Variants in WDR64 observed in about 807,000 individuals in gnomAD.
WDR64 encodes WD repeat-containing protein 64.
A neutral mutation model predicts 139.3 loss-of-function variants in WDR64; 112 were observed. That is an observed-to-expected ratio of 0.80 (90% CI 0.69 to 0.94). The LOEUF is 0.94. WDR64 is among the 40% of genes least tolerant of loss of function. WDR64 has a pLI of 0.00. For synonymous variants in WDR64, 444 were observed against 437.7 expected, an observed-to-expected ratio of 1.01 and a Z score of -0.18; for missense variants, 1,206 against 1,293.1, an observed-to-expected ratio of 0.93 and a Z score of 1.03.
At position 241,775,157 on chromosome 1, in the gene WDR64, T is replaced by C. The variant is rs984335735; in HGVS notation, c.2483T>C (p.Leu828Pro). The stretch of plus-strand genomic sequence containing the variant: ...TTCACAAAACATTCTGCCATTTCTC[T>C]GACATCGCTGTATACTGATTCATGT... Reference protein sequence around the residue: ...LPFTKHSAISLTSLYTDSCTR... With the variant: ...LPFTKHSAISPTSLYTDSCTR... The change falls in exon 21 of 28, where the codon CTG (leucine) becomes CCG (proline). Residue 828 changes from leucine to proline, a missense_variant. Transcript: ENST00000437684. 3 of 1,551,240 alleles carry C rather than the reference T, an allele frequency of 1.9e-6. No homozygotes were observed. The highest frequency in any genetic ancestry group is 2.6e-6 in the Non-Finnish European group (3 of 1,146,908).
intron 8 of WDR64, among the ~76,000 whole-genome samples, chr1:241,700,129 AGT>A (rs1667654335): frequency 6.7e-6 from 1 of 149,332 alleles, no homozygotes; most frequent in South Asian, 2.2e-4. Context: ...TTGGTGGCCT[AGT>A]GGATGAGAAG....
intron 15 of WDR64, among the ~76,000 whole-genome samples, chr1:241,759,697 CTTTT>C (rs549593689): frequency 6.6e-6 from 1 of 151,274 alleles, no homozygotes; most frequent in African/African-American, 2.4e-5. Flanking sequence ...CTTCACCTTT[CTTTT>C]TTTTTAAATT....
chr1:241,751,453 T>TAAAAAC (rs1034184583), intron 14 of WDR64, among the ~76,000 whole-genome samples: 1 of 151,978 alleles, frequency 6.6e-6, no homozygotes, highest in Non-Finnish European at 1.5e-5. Flanking sequence ...CCAGCTGCCT[T>TAAAAAC]AAAAACAAAA....
intron 16 of WDR64, among the ~76,000 whole-genome samples, chr1:241,768,390 C>A (rs1238256079): frequency 6.6e-6 from 1 of 152,098 alleles, no homozygotes; most frequent in Non-Finnish European, 1.5e-5. Flanking sequence ...CAGTAGAGTC[C>A]ATCTCTTTGT....
chr1:241,774,185 T>C lies in WDR64; in HGVS notation c.2431-920T>C, dbSNP rs181246726. The stretch of plus-strand genomic sequence containing the variant: ...ATAAGGCTCCTTCCTACACAGAAAC[T>C]CAGAACACAAAACAGTTTTGTGTGG... On this transcript the variant is annotated intron_variant, in intron 20 of 27. Coordinates refer to ENST00000437684, the MANE Select transcript of WDR64 (RefSeq NM_001367482.1). Among the ~76,000 whole-genome samples the C allele has an allele frequency of 4.8e-3, 733 of 152,168 alleles. 8 individuals are homozygous for C. The highest frequency in any genetic ancestry group is 0.017 in the African/African-American group (698 of 41,526).
intron 8 of WDR64, among the ~76,000 whole-genome samples, chr1:241,702,947 G>A (rs1048064044): frequency 2.0e-5 from 3 of 152,070 alleles, no homozygotes; most frequent in Non-Finnish European, 2.9e-5. Context: ...GAAAAATTTT[G>A]CCAATGTCTG....
Position 241,723,475 on chromosome 1 carries a change from C to A in WDR64, c.1194+39C>A. ...AATAACAAAACAAAACTAGTTTTTTCCGGAAAATTATCTGTTGGAAGGCAT... is the reference window on the plus strand; with the variant it reads ...AATAACAAAACAAAACTAGTTTTTTACGGAAAATTATCTGTTGGAAGGCAT... On this transcript the variant is annotated intron_variant, in intron 10 of 27. Transcript: ENST00000437684. 2.5e-6 allele frequency: 4 copies of A among 1,600,892 alleles called. No individual in the cohort carries two copies. The Middle Eastern group carries it at 5.0e-4, about 199-fold the overall frequency.
At chr1:241,668,965 A>G (rs1666122846) in intron 2 of WDR64, among the ~76,000 whole-genome samples, 2 of 151,984 alleles carry the variant, frequency 1.3e-5, no homozygotes, top group Non-Finnish European at 2.9e-5. Flanking sequence ...CTGGATTAAC[A>G]TATCATTTAT....
At position 241,788,174 on chromosome 1, in the gene WDR64, G is replaced by T. The variant is rs576477287; in HGVS notation, c.2891+140G>T. 9.4e-6 allele frequency: 6 copies of T among 641,606 alleles called. No homozygotes were observed. In the East Asian group the frequency reaches 2.0e-4, roughly 21 times the overall value. 39.7% of individuals were successfully genotyped at this position (641,606 alleles called of 1,614,324 possible). ...TTTTGTAATCCAGTGGAAGGGAAAT[G>T]TATGTAAACAAAGCTATAATTGGTA... On this transcript the variant is annotated intron_variant, in intron 24 of 27. Transcript: ENST00000437684.
Position 241,705,231 on chromosome 1 carries a change from A to AT in WDR64, c.975-6563dup, listed in dbSNP as rs543466722. On this transcript the variant is annotated intron_variant, in intron 8 of 27. Coordinates refer to ENST00000437684, the MANE Select transcript of WDR64 (RefSeq NM_001367482.1). Reference sequence around the variant, plus strand: ...CTACTCGCTTCCTCATGGAGAATTTATTTTTTTTCTTTTTAGAGACAAGGT... The same window carrying AT: ...CTACTCGCTTCCTCATGGAGAATTTATTTTTTTTTCTTTTTAGAGACAAGGT... Among the ~76,000 whole-genome samples the AT allele has an allele frequency of 2.6e-5, 4 of 151,814 alleles. No individual in the cohort carries two copies. In the South Asian group the frequency reaches 6.3e-4, roughly 24 times the overall value.
intron 7 of WDR64, 62 bp downstream of exon 7, chr1:241,683,763 T>C: frequency 7.7e-7 from 1 of 1,291,570 alleles, no homozygotes; most frequent in Non-Finnish European, 1.0e-6. Flanking sequence ...CAAGTAAGCT[T>C]TATGGTACAA....
At chr1:241,680,631 C>A (rs1475503890) in intron 6 of WDR64, among the ~76,000 whole-genome samples, 1 of 152,206 alleles carries the variant, frequency 6.6e-6, no homozygotes, top group East Asian at 1.9e-4. Context: ...CTGGGGGTAT[C>A]ATCTGAACTG....
chr1:241,690,617 C>T (rs999463423), intron 8 of WDR64, among the ~76,000 whole-genome samples: 3 of 152,052 alleles, frequency 2.0e-5, no homozygotes, highest in Admixed American at 6.6e-5. Context: ...GAAGACCTAC[C>T]AGCCTAGAAT....
In WDR64 at chr1:241,791,026, C is replaced by T. The variant is rs1021634038; in HGVS notation, c.2997+330C>T. On this transcript the variant is annotated intron_variant, in intron 25 of 27. Transcript: ENST00000437684. ...ATGGGCCAGACATGGTGGCTTACCT[C>T]TGTAATCTCAGAACTTTTGGGAGGC... Among the ~76,000 whole-genome samples the T allele has an allele frequency of 3.9e-5, 6 of 152,134 alleles. No individual in the cohort carries two copies. In the East Asian group the frequency reaches 9.6e-4, roughly 24 times the overall value.
At chr1:241,773,658 G>T (rs1658544938) in intron 20 of WDR64, among the ~76,000 whole-genome samples, 1 of 152,170 alleles carries the variant, frequency 6.6e-6, no homozygotes, top group Non-Finnish European at 1.5e-5. Flanking sequence ...AGTAGAGACG[G>T]GGTTTCACCA....
chr1:241,733,362 C>G (rs1669167868), intron 10 of WDR64, among the ~76,000 whole-genome samples: 1 of 151,990 alleles, frequency 6.6e-6, no homozygotes, highest in African/African-American at 2.4e-5. Flanking sequence ...GTAATACCAG[C>G]TACTCGGGAA....
Position 241,714,714 on chromosome 1 carries a change from A to G in WDR64, c.1054+2833A>G, listed in dbSNP as rs574518753. Among the ~76,000 whole-genome samples, 11 of 152,376 alleles carry G rather than the reference A, an allele frequency of 7.2e-5. No homozygotes were observed. In the South Asian group the frequency reaches 2.1e-3, roughly 29 times the overall value. On this transcript the variant is annotated intron_variant, in intron 9 of 27. Coordinates refer to ENST00000437684, the MANE Select transcript of WDR64 (RefSeq NM_001367482.1). ...TCCAACAGTATTACAAAGATAATAT[A>G]GTAGCCTATTGGCAAGCACAACAAA...
intron 9 of WDR64, among the ~76,000 whole-genome samples, chr1:241,717,884 T>C (rs1668464304): frequency 6.6e-6 from 1 of 152,158 alleles, no homozygotes; most frequent in Admixed American, 6.6e-5. Context: ...AGAATAATAG[T>C]AATAGTAATT....
intron 8 of WDR64, among the ~76,000 whole-genome samples, chr1:241,697,092 C>T (rs901889408): frequency 6.6e-6 from 1 of 152,144 alleles, no homozygotes; most frequent in African/African-American, 2.4e-5. Flanking sequence ...ACCCTATCTG[C>T]TCACTGCATC....
Sources: allele counts gnomAD v4.1 joint callset (sites outside exome capture counted in the v4.1 genomes callset), GRCh38; gene constraint gnomAD v4.1.1; transcripts MANE v1.5; gene names NCBI Gene and HGNC (gene_info 2026-07-23, HGNC 2026-07-21).